Variants in DLGAP2 observed in about 807,000 individuals in gnomAD.
DLGAP2 encodes DLG associated protein 2.
Under a neutral mutation model 100.3 loss-of-function variants are expected in DLGAP2, and 26 were observed. The ratio of observed to expected loss-of-function variants is 0.26; its 90% CI spans 0.19 to 0.36. DLGAP2 has a LOEUF of 0.36. Among genes scored for constraint, DLGAP2 ranks in the 10% least tolerant of loss-of-function variants. The pLI is 1.00. For synonymous variants in DLGAP2, 886 were observed against 630.1 expected, an observed-to-expected ratio of 1.41 and a Z score of -6.08; for missense variants, 1,858 against 1,453.2, an observed-to-expected ratio of 1.28 and a Z score of -4.53.
intron 5 of DLGAP2, among the ~76,000 whole-genome samples, chr8:1,561,069 T>C (rs1802141341): frequency 6.6e-6 from 1 of 152,192 alleles, no homozygotes; most frequent in African/African-American, 2.4e-5. Flanking sequence ...TTTCCTGTGC[T>C]GTTTTCATGA....
At chr8:946,451 G>C (rs186556580) in intron 2 of DLGAP2, among the ~76,000 whole-genome samples, 3 of 151,988 alleles carry the variant, frequency 2.0e-5, no homozygotes, top group South Asian at 2.1e-4. Flanking sequence ...TTTTTGTAGA[G>C]ACGGGGTTTC....
chr8:1,306,020 G>T (rs1018363555), intron 3 of DLGAP2, among the ~76,000 whole-genome samples: 3 of 141,748 alleles, frequency 2.1e-5, no homozygotes, highest in African/African-American at 7.8e-5. Context: ...TTCAGAAGAG[G>T]AAATGCCACT....
At chr8:1,688,459 G>A (rs1026765341) in intron 12 of DLGAP2, 1 of 152,192 alleles carries the variant, frequency 6.6e-6, no homozygotes, top group Non-Finnish European at 1.5e-5. Context: ...AAGCAATGGA[G>A]AATTAGGTGA....
intron 2 of DLGAP2, among the ~76,000 whole-genome samples, chr8:1,238,680 A>G (rs1798720558): frequency 9.4e-6 from 1 of 106,152 alleles, no homozygotes; most frequent in African/African-American, 3.7e-5. Context: ...TCTCACACAT[A>G]GCGTCATGTC....
intron 1 of DLGAP2, among the ~76,000 whole-genome samples, chr8:824,576 C>T (rs967367236): frequency 1.3e-5 from 2 of 152,104 alleles, no homozygotes; most frequent in Non-Finnish European, 2.9e-5. Flanking sequence ...CTGTGTTCCC[C>T]TTGTCCTGGC....
chr8:1,023,839 A>G (rs1431099299), intron 2 of DLGAP2, among the ~76,000 whole-genome samples: 1 of 132,362 alleles, frequency 7.6e-6, no homozygotes, highest in Non-Finnish European at 1.6e-5. Flanking sequence ...TCCGTCTGCA[A>G]GTGCTCAAAC....
At position 1,303,899 on chromosome 8, in the gene DLGAP2, G is replaced by A. The variant is rs543074394; in HGVS notation, c.106+45016G>A. ...CAGAGCCTGGGAGGTGGAGGGAGATGGGATTTTGAGGCCATTCACCTCCCT... is the reference window on the plus strand; with the variant it reads ...CAGAGCCTGGGAGGTGGAGGGAGATAGGATTTTGAGGCCATTCACCTCCCT... On this transcript the variant is annotated intron_variant, in intron 3 of 14. Transcript: ENST00000637795. Among the ~76,000 whole-genome samples, 19 of 152,322 alleles carry A rather than the reference G, an allele frequency of 1.2e-4. 1 individual carries two copies. In the East Asian group the frequency reaches 3.3e-3, roughly 26 times the overall value.
At chr8:1,564,954 G>A (rs1479791636) in intron 5 of DLGAP2, among the ~76,000 whole-genome samples, 5 of 146,086 alleles carry the variant, frequency 3.4e-5, no homozygotes, top group African/African-American at 1.0e-4. Context: ...CAGATATATA[G>A]TATTCATGGT....
chr8:1,492,548 C>T (rs149905464), intron 3 of DLGAP2, among the ~76,000 whole-genome samples: 2 of 152,324 alleles, frequency 1.3e-5, no homozygotes, highest in Non-Finnish European at 2.9e-5. Flanking sequence ...CGATGGGGAC[C>T]GCGCTTCGCT....
chr8:877,632 A>G (rs1797709047), intron 1 of DLGAP2, among the ~76,000 whole-genome samples: 1 of 152,232 alleles, frequency 6.6e-6, no homozygotes, highest in Non-Finnish European at 1.5e-5. Flanking sequence ...CACAAGAAGG[A>G]TCCTCCCAGC....
chr8:863,219 A>G (rs978935489), intron 1 of DLGAP2, among the ~76,000 whole-genome samples: 5 of 152,166 alleles, frequency 3.3e-5, no homozygotes, highest in Admixed American at 1.3e-4. Flanking sequence ...GCAGGATTGG[A>G]CTGGAAATTG....
intron 2 of DLGAP2, among the ~76,000 whole-genome samples, chr8:1,088,147 G>A (rs1287662401): frequency 6.6e-6 from 1 of 152,222 alleles, no homozygotes; most frequent in African/African-American, 2.4e-5. Flanking sequence ...GGCGGCTGCT[G>A]GTCCACCTTC....
intron 1 of DLGAP2, among the ~76,000 whole-genome samples, chr8:874,397 G>C (rs1395239477): frequency 6.6e-6 from 1 of 151,998 alleles, no homozygotes; most frequent in Non-Finnish European, 1.5e-5. Context: ...TTGATGTGTT[G>C]AGTCTTCATT....
chr8:1,453,005 T>G (rs1023048712), intron 3 of DLGAP2, among the ~76,000 whole-genome samples: 6 of 152,056 alleles, frequency 3.9e-5, no homozygotes, highest in African/African-American at 1.4e-4. Context: ...AGTCCACAAT[T>G]CAAAGGAAGA....
intron 1 of DLGAP2, among the ~76,000 whole-genome samples, chr8:795,590 G>C (rs1428285644): frequency 8.9e-5 from 13 of 146,660 alleles, no homozygotes; most frequent in African/African-American, 3.3e-4. Flanking sequence ...GTGCATCGGA[G>C]ACTCACAGGT....
At chr8:1,240,562 T>A (rs1469596282) in intron 2 of DLGAP2, among the ~76,000 whole-genome samples, 1 of 150,674 alleles carries the variant, frequency 6.6e-6, no homozygotes, top group Non-Finnish European at 1.5e-5. Flanking sequence ...TGTGTCTAGT[T>A]CTCTTACATG....
At chr8:810,123 A>T (rs940651689) in intron 1 of DLGAP2, among the ~76,000 whole-genome samples, 3 of 152,188 alleles carry the variant, frequency 2.0e-5, no homozygotes, top group Non-Finnish European at 4.4e-5. Context: ...TAGGTCTTCA[A>T]GTGCCATCTC....
chr8:1,362,198 G>A (rs1222009287), intron 3 of DLGAP2, among the ~76,000 whole-genome samples: 1 of 152,122 alleles, frequency 6.6e-6, no homozygotes, highest in Non-Finnish European at 1.5e-5. Flanking sequence ...GGGCGGCCGA[G>A]GTGGCAGCGA....
chr8:799,327 G>C (rs1048468728), intron 1 of DLGAP2, among the ~76,000 whole-genome samples: 1 of 152,166 alleles, frequency 6.6e-6, no homozygotes, highest in East Asian at 1.9e-4. Flanking sequence ...CGCTTGTCTC[G>C]TGGGCAGAGG....
Sources: gnomAD v4.1 joint callset for allele counts (sites outside exome capture counted in the v4.1 genomes callset) on GRCh38, gnomAD v4.1.1 for gene constraint, MANE v1.5 for transcripts, NCBI Gene and HGNC (gene_info 2026-07-23, HGNC 2026-07-21) for gene names.